Variants in KIRREL3 observed in about 807,000 individuals in gnomAD.
KIRREL3 encodes the protein kin of IRRE-like protein 3.
In KIRREL3, 36 loss-of-function variants were observed where a neutral mutation model predicts 89.7. That is an observed-to-expected ratio of 0.40 (90% CI 0.31 to 0.53). The LOEUF (loss-of-function observed/expected upper bound fraction) is 0.53. Among genes scored for constraint, KIRREL3 ranks in the 20% least tolerant of loss-of-function variants. KIRREL3 has a pLI of 0.49. For missense variants in KIRREL3, 864 were observed against 1,056.6 expected (o/e 0.82, Z 2.53); for synonymous variants, 445 against 441.4 (o/e 1.01, Z -0.10).
intron 1 of KIRREL3, among the ~76,000 whole-genome samples, chr11:126,882,705 AG>A: frequency 6.6e-6 from 1 of 152,248 alleles, no homozygotes; most frequent in East Asian, 1.9e-4. Context: ...CCTAAAGTGC[AG>A]CAAAGAGCTG....
intron 1 of KIRREL3, among the ~76,000 whole-genome samples, chr11:126,882,083 T>C (rs559233224): frequency 6.6e-6 from 1 of 152,254 alleles, no homozygotes; most frequent in South Asian, 2.1e-4. Flanking sequence ...CATTTCCTTG[T>C]ACTCTGGAAC....
intron 1 of KIRREL3, among the ~76,000 whole-genome samples, chr11:126,784,301 A>G (rs1472370689): frequency 6.6e-6 from 1 of 152,274 alleles, no homozygotes; most frequent in Non-Finnish European, 1.5e-5. Flanking sequence ...TGTTAACAAT[A>G]AAGAAAACTG....
chr11:126,824,733 G>A (rs980542152), intron 1 of KIRREL3, among the ~76,000 whole-genome samples: 1 of 152,154 alleles, frequency 6.6e-6, no homozygotes, highest in African/African-American at 2.4e-5. Context: ...TTTATGCCTT[G>A]GTCTGGCTCA....
chr11:126,444,832 G>T, intron 10 of KIRREL3, 147 bp downstream of exon 10: 1 of 1,034,614 alleles, frequency 9.7e-7, no homozygotes, highest in Non-Finnish European at 1.4e-6. Flanking sequence ...AATCCAGGAG[G>T]TGGACCTAAT....
chr11:126,660,762 G>C (rs1945363233), intron 1 of KIRREL3, among the ~76,000 whole-genome samples: 1 of 152,218 alleles, frequency 6.6e-6, no homozygotes, highest in South Asian at 2.1e-4. Context: ...CACTGACTCT[G>C]AGAAAGATGA....
chr11:126,516,178 T>C lies in KIRREL3; in HGVS notation c.433+5137A>G, dbSNP rs1344648683. Among the ~76,000 whole-genome samples the C allele has an allele frequency of 1.3e-5, 2 of 152,258 alleles. No individual in the cohort carries two copies. The highest frequency in any genetic ancestry group is 2.9e-5 in the Non-Finnish European group (2 of 68,044). On this transcript the variant is annotated intron_variant, in intron 4 of 16. Coordinates refer to ENST00000525144, the MANE Select transcript of KIRREL3 (RefSeq NM_032531.4). The surrounding 1 kb of genome is among the most constrained non-coding windows in gnomAD (Gnocchi z 4.9). ...TGGGGCTTGACATCATTTAAAAAGA[T>C]GCCCTCTTTATTTGAATTGACTTAG... is the stretch of plus-strand genomic sequence containing the variant.
chr11:126,615,699 T>TTAC lies in KIRREL3; in HGVS notation c.56-52790_56-52788dup, dbSNP rs559379135. 6.9e-4 allele frequency among the ~76,000 whole-genome samples: 105 copies of TTAC among 152,320 alleles called. 1 individual carries two copies. Among genetic ancestry groups the TTAC allele is most frequent in the African/African-American group, 2.4e-3 (101 of 41,574 alleles). ...ATTTTTAGAGTCTGAGGTCACCCAG[T>TTAC]TACTGCTCTATCAGCCACCTACCCC... On this transcript the variant is annotated intron_variant, in intron 1 of 16. Coordinates refer to ENST00000525144, the MANE Select transcript of KIRREL3 (RefSeq NM_032531.4). The surrounding 1 kb of genome is among the most constrained non-coding windows in gnomAD (Gnocchi z 5.4).
intron 4 of KIRREL3, among the ~76,000 whole-genome samples, chr11:126,500,799 T>G (rs572388012): frequency 3.3e-4 from 51 of 152,250 alleles, no homozygotes; most frequent in African/African-American, 1.2e-3. Context: ...GCATTCTTAT[T>G]TTTTTCAGTG....
In KIRREL3 at chr11:126,946,264, T is replaced by G. The variant is rs1034989751; in HGVS notation, c.55+54191A>C. ...CAAAATGAGTGGTCATGCCCCAGAC[T>G]GCGGCCTCCAGACTCTGCTACTAGC... On this transcript the variant is annotated intron_variant, in intron 1 of 16. Coordinates refer to ENST00000525144, the MANE Select transcript of KIRREL3 (RefSeq NM_032531.4). This position sits in a 1 kb window ranked among gnomAD's most constrained non-coding sequence, Gnocchi z 4.1. Among the ~76,000 whole-genome samples, 5 of 152,182 alleles carry G rather than the reference T, an allele frequency of 3.3e-5. No individual in the cohort carries two copies. Among genetic ancestry groups the G allele is most frequent in the African/African-American group, 1.2e-4 (5 of 41,442 alleles).
rs955667030 is a variant in KIRREL3, at chr11:126,576,491, T to C, written c.56-13579A>G. ...AAGCTTCCATTTTAGACAGCTTCTA[T>C]GTAGTTCCTTTCCCTTACACGTAAT... On this transcript the variant is annotated intron_variant, in intron 1 of 16. Coordinates refer to ENST00000525144, the MANE Select transcript of KIRREL3 (RefSeq NM_032531.4). The surrounding 1 kb of genome is among the most constrained non-coding windows in gnomAD (Gnocchi z 5.4). Among the ~76,000 whole-genome samples, 1 of 152,206 alleles carries C rather than the reference T, an allele frequency of 6.6e-6. No individual in the cohort carries two copies. The highest frequency in any genetic ancestry group is 2.4e-5 in the African/African-American group (1 of 41,456).
rs1941208750 is a variant in KIRREL3, at chr11:126,575,495, G to GT, written c.56-12584dup. 6.6e-6 allele frequency among the ~76,000 whole-genome samples: 1 copy of GT among 152,194 alleles called. No individual in the cohort carries two copies. Among genetic ancestry groups the GT allele is most frequent in the South Asian group, 2.1e-4 (1 of 4,828 alleles). On this transcript the variant is annotated intron_variant, in intron 1 of 16. Transcript: ENST00000525144. The surrounding 1 kb of genome is among the most constrained non-coding windows in gnomAD (Gnocchi z 7.0). ...TTGTGTTCCTAAACCCTGTCTAAATGTATGGAACCAAGGCCGGACACATTG... is the reference window on the plus strand; with the variant it reads ...TTGTGTTCCTAAACCCTGTCTAAATGTTATGGAACCAAGGCCGGACACATTG...
Position 126,566,179 on chromosome 11 carries a change from GA to G in KIRREL3, c.56-3268del, listed in dbSNP as rs1455355827. ...AAAGGAGTCAGCCCTGGCTTAAAAG[GA>G]AAGTTCATAGCAAGGAAGTCCAGGG... is the stretch of plus-strand genomic sequence containing the variant. On this transcript the variant is annotated intron_variant, in intron 1 of 16. Transcript: ENST00000525144. The surrounding 1 kb of genome is among the most constrained non-coding windows in gnomAD (Gnocchi z 4.9). Among the ~76,000 whole-genome samples, 1 of 152,196 alleles carries G rather than the reference GA, an allele frequency of 6.6e-6. No individual in the cohort carries two copies. The highest frequency in any genetic ancestry group is 2.4e-5 in the African/African-American group (1 of 41,436).
rs2134767592 is a variant in KIRREL3 at position 126,605,811 on chromosome 11, TG to T, written c.56-42900del. ...AGTGAGGTCTGGAGGGCATGGGACA[TG>T]GTCCCTCTTGGGAGTTAAGCAGAGG... On this transcript the variant is annotated intron_variant, in intron 1 of 16. Transcript: ENST00000525144. This position sits in a 1 kb window ranked among gnomAD's most constrained non-coding sequence, Gnocchi z 5.7. Among the ~76,000 whole-genome samples the T allele has an allele frequency of 6.6e-6, 1 of 152,308 alleles. No individual in the cohort carries two copies. The highest frequency in any genetic ancestry group is 2.1e-4 in the South Asian group (1 of 4,826).
intron 1 of KIRREL3, among the ~76,000 whole-genome samples, chr11:126,927,523 C>T (rs1947771654): frequency 1.3e-5 from 2 of 152,258 alleles, no homozygotes; most frequent in South Asian, 4.1e-4. Flanking sequence ...TTAATAAATA[C>T]AAAAAGGAAA....
rs892800033 is a variant in KIRREL3 at position 126,526,189 on chromosome 11, G to C, written c.283+349C>G. Reference sequence around the variant, plus strand: ...TTAATAATTGTGCCTTAATAAATGGGGGATACATCTTGGGCCAAGACACAG... The same window carrying C: ...TTAATAATTGTGCCTTAATAAATGGCGGATACATCTTGGGCCAAGACACAG... On this transcript the variant is annotated intron_variant, in intron 3 of 16. Coordinates refer to ENST00000525144, the MANE Select transcript of KIRREL3 (RefSeq NM_032531.4). The surrounding 1 kb of genome is among the most constrained non-coding windows in gnomAD (Gnocchi z 5.7). 4.6e-5 allele frequency among the ~76,000 whole-genome samples: 7 copies of C among 152,154 alleles called. No individual in the cohort carries two copies. Among genetic ancestry groups the C allele is most frequent in the African/African-American group, 1.7e-4 (7 of 41,426 alleles).
intron 2 of KIRREL3, among the ~76,000 whole-genome samples, chr11:126,559,507 G>A (rs1289544493): frequency 2.6e-5 from 4 of 152,200 alleles, no homozygotes; most frequent in Non-Finnish European, 1.5e-5. Flanking sequence ...ATCATGATAG[G>A]TGCCACTCGA....
chr11:126,431,291 C>T lies in KIRREL3; in HGVS notation c.1696+128G>A, dbSNP rs1955118099. 1.3e-6 allele frequency: 2 copies of T among 1,551,028 alleles called. No individual in the cohort carries two copies. Among genetic ancestry groups the T allele is most frequent in the Non-Finnish European group, 1.7e-6 (2 of 1,146,554 alleles). On this transcript the variant is annotated intron_variant, in intron 14 of 16. Transcript: ENST00000525144. This position sits in a 1 kb window ranked among gnomAD's most constrained non-coding sequence, Gnocchi z 7.1. ...ACCGATGCATCAGACCCACTCCCTG[C>T]CCCAGGAGCTCACAGCACTGTTAGG...
chr11:126,539,563 G>A (rs1938190340), intron 2 of KIRREL3, among the ~76,000 whole-genome samples: 1 of 152,228 alleles, frequency 6.6e-6, no homozygotes, highest in Non-Finnish European at 1.5e-5. Context: ...AATGGATTTA[G>A]GAGCCATTTG....
At chr11:126,850,935 A>C (rs1323399160) in intron 1 of KIRREL3, among the ~76,000 whole-genome samples, 1 of 152,244 alleles carries the variant, frequency 6.6e-6, no homozygotes, top group Non-Finnish European at 1.5e-5. Flanking sequence ...GGCCCAAGTC[A>C]CACATACACT....
Sources: gnomAD v4.1 joint callset for allele counts (sites outside exome capture counted in the v4.1 genomes callset) on GRCh38, gnomAD v4.1.1 for gene constraint, Gnocchi (gnomAD v3.1) non-coding constraint, MANE v1.5 for transcripts, NCBI Gene and HGNC (gene_info 2026-07-23, HGNC 2026-07-21) for gene names.